Variants in SORL1 observed in about 807,000 individuals in gnomAD.
SORL1 encodes sortilin-related receptor.
A neutral mutation model predicts 273.7 loss-of-function variants in SORL1; 127 were observed. The observed-to-expected ratio is 0.46, with a 90% CI of 0.40 to 0.54. The LOEUF (loss-of-function observed/expected upper bound fraction) is 0.54. SORL1 is among the 20% of genes least tolerant of loss of function. The pLI is 0.00. For missense variants in SORL1, 2,494 were observed against 2,846.1 expected, an observed-to-expected ratio of 0.88 and a Z score of 2.81; for synonymous variants, 1,031 against 1,067.4, an observed-to-expected ratio of 0.97 and a Z score of 0.66.
intron 8 of SORL1, among the ~76,000 whole-genome samples, chr11:121,519,487 C>T (rs1862006448): frequency 6.6e-6 from 1 of 152,000 alleles, no homozygotes; most frequent in Non-Finnish European, 1.5e-5. Context: ...TCTCGGCTCA[C>T]TGCAAGCTCC....
At chr11:121,613,064 T>A (rs1252792475) in intron 40 of SORL1, among the ~76,000 whole-genome samples, 2 of 152,110 alleles carry the variant, frequency 1.3e-5, no homozygotes, top group Non-Finnish European at 2.9e-5. Context: ...TGACCCTTAG[T>A]GGAAGTTGGG....
At chr11:121,494,879 C>T (rs1427833741) in intron 5 of SORL1, among the ~76,000 whole-genome samples, 1 of 152,132 alleles carries the variant, frequency 6.6e-6, no homozygotes, top group African/African-American at 2.4e-5. Flanking sequence ...TATCCTCTGG[C>T]TAGAGGAAGT....
At chr11:121,468,239 C>T (rs891817940) in intron 1 of SORL1, among the ~76,000 whole-genome samples, 4 of 152,052 alleles carry the variant, frequency 2.6e-5, no homozygotes, top group Admixed American at 6.6e-5. Flanking sequence ...TAGGCTTACT[C>T]GTGGGTGGGG....
intron 24 of SORL1, among the ~76,000 whole-genome samples, chr11:121,576,132 A>C (rs1862927276): frequency 6.6e-6 from 1 of 152,218 alleles, no homozygotes; most frequent in African/African-American, 2.4e-5. Flanking sequence ...TGAAAGTTCT[A>C]TGCCACAGTC....
At chr11:121,548,490 G>A (rs1011262694) in intron 14 of SORL1, among the ~76,000 whole-genome samples, 2 of 152,216 alleles carry the variant, frequency 1.3e-5, no homozygotes, top group African/African-American at 4.8e-5. Context: ...ATGATATAAT[G>A]CACACAAATC....
At chr11:121,523,678 G>C (rs1028858243) in intron 11 of SORL1, among the ~76,000 whole-genome samples, 2 of 151,826 alleles carry the variant, frequency 1.3e-5, no homozygotes, top group Non-Finnish European at 2.9e-5. Context: ...GTTTGGTCTC[G>C]TTCTGTAGGG....
intron 11 of SORL1, among the ~76,000 whole-genome samples, chr11:121,531,250 T>C (rs930458893): frequency 6.6e-6 from 1 of 152,118 alleles, no homozygotes; most frequent in Middle Eastern, 3.2e-3. Context: ...AAAAATGAGC[T>C]GGGCGTGGTG....
chr11:121,463,336 T>C lies in SORL1; in HGVS notation c.286-6671T>C, dbSNP rs533260017. ...AAGAGAGTTTTCCACAGTTTCTTTTTAGTAGGGAGCCCCTCCCAAAACAGC... is the reference window on the plus strand; with the variant it reads ...AAGAGAGTTTTCCACAGTTTCTTTTCAGTAGGGAGCCCCTCCCAAAACAGC... On this transcript the variant is annotated intron_variant, in intron 1 of 47. Transcript: ENST00000260197. 5.9e-5 allele frequency among the ~76,000 whole-genome samples: 9 copies of C among 152,274 alleles called. No individual in the cohort carries two copies. In the East Asian group the frequency reaches 1.7e-3, roughly 29 times the overall value.
rs147295036 is a variant in SORL1 at position 121,622,733 on chromosome 11, G to A, written c.6171+465G>A. On this transcript the variant is annotated intron_variant, in intron 45 of 47. Transcript: ENST00000260197. ...GGAGCAGGAGGCACTTGAAGATACTGTGCTAACTTATGAAGAACACCTTGA... is the reference window on the plus strand; with the variant it reads ...GGAGCAGGAGGCACTTGAAGATACTATGCTAACTTATGAAGAACACCTTGA... Among the ~76,000 whole-genome samples the A allele has an allele frequency of 1.8e-3, 271 of 152,334 alleles. 1 individual carries two copies. Among genetic ancestry groups the A allele is most frequent in the African/African-American group, 6.3e-3 (263 of 41,574 alleles).
intron 21 of SORL1, among the ~76,000 whole-genome samples, chr11:121,565,669 A>G (rs1862744455): frequency 6.6e-6 from 1 of 152,218 alleles, no homozygotes; most frequent in Non-Finnish European, 1.5e-5. Context: ...ATTGCAGTCA[A>G]AAGAAAAAAC....
rs145036807 is a variant in SORL1, at chr11:121,627,739, C to T, written c.6549C>T (p.Ser2183=). The T allele has an allele frequency of 8.7e-5, 140 of 1,613,832 alleles. 1 individual carries two copies. Among genetic ancestry groups the T allele is most frequent in the East Asian group, 3.3e-4 (15 of 44,888 alleles). The change falls in exon 47 of 48, where the codon TCC becomes TCT. Residue 2183 remains serine, a synonymous_variant. Transcript: ENST00000260197. The surrounding 1 kb of genome is among the most constrained non-coding windows in gnomAD (Gnocchi z 4.9). ...ANSHYSSRLG[S]AIFSSGDDLG... ...GCCACTACAGCTCCAGGCTGGGGTC[C>T]GCAATCTTCTCCTCTGGGGATGACC... is the stretch of plus-strand genomic sequence containing the variant.
chr11:121,488,381 T>G (rs1861506745), intron 4 of SORL1, among the ~76,000 whole-genome samples, 188 bp downstream of exon 4: 1 of 152,174 alleles, frequency 6.6e-6, no homozygotes, highest in African/African-American at 2.4e-5. Context: ...CACTCTCAGT[T>G]GGCAGCCCAG....
At chr11:121,619,007 A>T in intron 42 of SORL1, 114 bp downstream of exon 42, 1 of 1,043,510 alleles carries the variant, frequency 9.6e-7, no homozygotes, top group South Asian at 1.5e-5. Flanking sequence ...GATGTGTGTG[A>T]CGAGAGGCAA....
rs1196198744 is a variant in SORL1 at position 121,554,706 on chromosome 11, G to T, written c.2440-481G>T. Among the ~76,000 whole-genome samples the T allele has an allele frequency of 2.0e-5, 3 of 152,142 alleles. No individual in the cohort carries two copies. The highest frequency in any genetic ancestry group is 4.8e-5 in the African/African-American group (2 of 41,426). On this transcript the variant is annotated intron_variant, in intron 17 of 47. Transcript: ENST00000260197. This position sits in a 1 kb window ranked among gnomAD's most constrained non-coding sequence, Gnocchi z 4.6. ...CCAACAGAAATTTCACAGTGCCTGGGTATTTGAGGGGCTTGGGGTGGGGGA... is the reference window on the plus strand; with the variant it reads ...CCAACAGAAATTTCACAGTGCCTGGTTATTTGAGGGGCTTGGGGTGGGGGA...
At position 121,607,224 on chromosome 11, in the gene SORL1, C is replaced by T. The variant is rs1863491045; in HGVS notation, c.5100C>T (p.Ser1700=). ...GGAGTGGTTCCAAGATGTGGGCCTC[C>T]CAGAGGGCTGCTAGTAACTTTACAG... ...YSRSGSKMWA[S]QRAASNFTEI... The change falls in exon 37 of 48, where the codon TCC becomes TCT. Residue 1700 remains serine, a synonymous_variant. Transcript: ENST00000260197. 1 of 1,612,694 alleles carries T rather than the reference C, an allele frequency of 6.2e-7. No individual in the cohort carries two copies. Among genetic ancestry groups the T allele is most frequent in the Admixed American group, 1.7e-5 (1 of 59,990 alleles).
chr11:121,491,935 G>T (rs1405688967), intron 5 of SORL1, among the ~76,000 whole-genome samples: 1 of 152,186 alleles, frequency 6.6e-6, no homozygotes, highest in Non-Finnish European at 1.5e-5. Context: ...TGCAATTGCT[G>T]TTTTCTCTGC....
intron 1 of SORL1, among the ~76,000 whole-genome samples, chr11:121,465,979 G>A (rs1007316987): frequency 6.6e-6 from 1 of 152,088 alleles, no homozygotes; most frequent in African/African-American, 2.4e-5. Context: ...GGGGTGGGAG[G>A]AGTTATCTTG....
At chr11:121,526,212 T>A (rs1034219803) in intron 11 of SORL1, among the ~76,000 whole-genome samples, 2 of 152,116 alleles carry the variant, frequency 1.3e-5, no homozygotes, top group Admixed American at 1.3e-4. Flanking sequence ...AAAACCCTTC[T>A]CTCTCTCCCA....
At chr11:121,537,460 G>A (rs1288221115) in intron 12 of SORL1, among the ~76,000 whole-genome samples, 2 of 152,110 alleles carry the variant, frequency 1.3e-5, no homozygotes, top group Non-Finnish European at 2.9e-5. Context: ...TGATTATACC[G>A]CTCATAGAAA....
Sources: allele counts gnomAD v4.1 joint callset (sites outside exome capture counted in the v4.1 genomes callset), GRCh38; gene constraint gnomAD v4.1.1; non-coding constraint Gnocchi (gnomAD v3.1); transcripts MANE v1.5; gene names NCBI Gene and HGNC (gene_info 2026-07-23, HGNC 2026-07-21).